GDPD4: variants seen among roughly 807,000 people sequenced by gnomAD.
The protein encoded by GDPD4 is glycerophosphodiester phosphodiesterase 6.
Under a neutral mutation model 67.8 loss-of-function variants are expected in GDPD4, and 60 were observed. The ratio of observed to expected loss-of-function variants is 0.88; its 90% CI spans 0.72 to 1.10. The LOEUF is 1.10. GDPD4 is among the 50% of genes least tolerant of loss of function. The pLI is 0.00. For missense variants in GDPD4, 623 were observed against 613.9 expected, an observed-to-expected ratio of 1.01 and a Z score of -0.16; for synonymous variants, 212 against 210.9, an observed-to-expected ratio of 1.00 and a Z score of -0.04.
intron 13 of GDPD4, among the ~76,000 whole-genome samples, chr11:77,239,990 T>A (rs1156316669): frequency 3.3e-5 from 5 of 151,398 alleles, no homozygotes; most frequent in Middle Eastern, 3.4e-3. Context: ...TGAAAGAATT[T>A]AAAAAAAACA....
chr11:77,242,059 T>C (rs1958678352), intron 13 of GDPD4, among the ~76,000 whole-genome samples: 1 of 149,122 alleles, frequency 6.7e-6, no homozygotes, highest in Admixed American at 6.8e-5. Flanking sequence ...AGAGGAAATG[T>C]TGGGTCAAAA....
chr11:77,279,330 C>T lies in GDPD4; in HGVS notation c.123G>A (p.Leu41=), dbSNP rs1453914092. The T allele has an allele frequency of 6.2e-7, 1 of 1,611,292 alleles. No homozygotes were observed. Among genetic ancestry groups the T allele is most frequent in the Admixed American group, 1.7e-5 (1 of 59,992 alleles). The change falls in exon 4 of 17, where the codon CTG becomes CTA. Residue 41 remains leucine (L), a synonymous_variant. Transcript: ENST00000315938. ...CCAACAGCAATGAAGAGTAGGCAGT[C>T]AGGATCCTAGCTAAACTCAGAATAA... ...SIFILSLARI[L]TAYSSLLLLL... is the part of the protein sequence containing the mutation.
chr11:77,270,564 C>A (rs529623292), intron 7 of GDPD4, among the ~76,000 whole-genome samples: 146 of 152,206 alleles, frequency 9.6e-4, no homozygotes, highest in Non-Finnish European at 1.7e-3. Context: ...AAAAATACAA[C>A]CAGGCGTGGT....
chr11:77,257,564 CA>C (rs1959027259), intron 11 of GDPD4, among the ~76,000 whole-genome samples: 1 of 150,454 alleles, frequency 6.6e-6, no homozygotes, highest in Non-Finnish European at 1.5e-5. Flanking sequence ...CACACACACA[CA>C]CACACACACA....
At chr11:77,245,555 T>A in intron 11 of GDPD4, 53 bp from the exon 12 acceptor site, 4 of 1,266,552 alleles carry the variant, frequency 3.2e-6, no homozygotes, top group Non-Finnish European at 4.5e-6. Flanking sequence ...GTTCTCCTAC[T>A]ATGTAGCCAC....
intron 2 of GDPD4, among the ~76,000 whole-genome samples, chr11:77,286,678 G>C (rs1960009988): frequency 6.6e-6 from 1 of 152,166 alleles, no homozygotes; most frequent in Admixed American, 6.5e-5. Context: ...GCTCACCAAA[G>C]GGTTCCAACA....
At chr11:77,281,515 T>G (rs1959751857) in intron 3 of GDPD4, among the ~76,000 whole-genome samples, 1 of 152,168 alleles carries the variant, frequency 6.6e-6, no homozygotes, top group Non-Finnish European at 1.5e-5. Flanking sequence ...TTGAAAAATC[T>G]AAATGAAAGC....
At chr11:77,270,078 A>G in intron 7 of GDPD4, 118 bp from the exon 8 acceptor site, 1 of 569,744 alleles carries the variant, frequency 1.8e-6, no homozygotes, top group Non-Finnish European at 3.1e-6. Context: ...TAAACACACA[A>G]TGGCAGCACT....
Position 77,217,037 on chromosome 11 carries a change from G to A in GDPD4, c.*240C>T, listed in dbSNP as rs767007104. 5 of 703,686 alleles carry A rather than the reference G, an allele frequency of 7.1e-6. No homozygotes were observed. Among genetic ancestry groups the A allele is most frequent in the Non-Finnish European group, 1.3e-5 (5 of 385,014 alleles). The allele number at this position is 703,686 out of a possible 1,614,324, so 43.6% of individuals were successfully genotyped here. A position where few individuals can be genotyped will look rare whatever the true frequency, so the allele number is the denominator to read the frequency against. Reference sequence around the variant, plus strand: ...AGCCTCACTTGTAGCCTGCCTGGTGGGTGCTTGGGTGAGTTCAAAGACCAC... The same window carrying A: ...AGCCTCACTTGTAGCCTGCCTGGTGAGTGCTTGGGTGAGTTCAAAGACCAC... On this transcript the variant is annotated 3_prime_UTR_variant, in exon 17 of 17. Transcript: ENST00000315938.
At chr11:77,220,060 A>G (rs1958197686) in intron 16 of GDPD4, among the ~76,000 whole-genome samples, 1 of 152,118 alleles carries the variant, frequency 6.6e-6, no homozygotes, top group Non-Finnish European at 1.5e-5. Flanking sequence ...GTGATTTTGT[A>G]TCCTGAGACT....
intron 16 of GDPD4, among the ~76,000 whole-genome samples, chr11:77,227,309 G>C (rs1039999292): frequency 3.3e-5 from 5 of 152,174 alleles, no homozygotes; most frequent in African/African-American, 1.2e-4. Flanking sequence ...CTCTGGTTTA[G>C]CAATTCCAGG....
intron 16 of GDPD4, 93 bp from the exon 17 acceptor site, chr11:77,217,407 CCA>C: frequency 2.0e-6 from 2 of 1,022,768 alleles, no homozygotes; most frequent in South Asian, 2.5e-5. Context: ...TAAATGTTAG[CCA>C]CTCCCTTACC....
At chr11:77,223,372 G>A (rs375779381) in intron 16 of GDPD4, among the ~76,000 whole-genome samples, 1 of 152,092 alleles carries the variant, frequency 6.6e-6, no homozygotes, top group Non-Finnish European at 1.5e-5. Flanking sequence ...ATGGGGTTTT[G>A]GTTATGGATG....
chr11:77,243,449 A>G (rs1958711120), intron 13 of GDPD4, among the ~76,000 whole-genome samples: 1 of 144,294 alleles, frequency 6.9e-6, no homozygotes, highest in African/African-American at 2.5e-5. Flanking sequence ...GAAAGATTAG[A>G]GTACACAGCA....
chr11:77,269,171 GGGTTT>G, intron 8 of GDPD4, 102 bp from the exon 9 acceptor site: 7 of 983,596 alleles, frequency 7.1e-6, no homozygotes, highest in Non-Finnish European at 9.1e-6. Context: ...CACAGTCCAT[GGGTTT>G]CATTGACTGT....
chr11:77,226,959 A>G (rs1958351630), intron 16 of GDPD4, among the ~76,000 whole-genome samples: 2 of 152,204 alleles, frequency 1.3e-5, no homozygotes, highest in Non-Finnish European at 1.5e-5. Flanking sequence ...TGGTACATGG[A>G]ATATCAGGAG....
rs75631090 is a variant in GDPD4, at chr11:77,265,751, T to C, written c.707+2706A>G. On this transcript the variant is annotated intron_variant, in intron 10 of 16. Transcript: ENST00000315938. The stretch of plus-strand genomic sequence containing the variant: ...ATGTGCAGACATATCACCACCACCA[T>C]AGTCAAGATACAGAAAAGTAAATAT... Among the ~76,000 whole-genome samples, 385 of 152,256 alleles carry C rather than the reference T, an allele frequency of 2.5e-3. 2 individuals are homozygous for C. Among genetic ancestry groups the C allele is most frequent in the Non-Finnish European group, 3.5e-3 (237 of 67,984 alleles).
chr11:77,268,588 C>G (rs1217141368), intron 9 of GDPD4, 49 bp from the exon 10 acceptor site: 1 of 1,397,328 alleles, frequency 7.2e-7, no homozygotes, highest in Non-Finnish European at 1.0e-6. Context: ...TCTCTCCTCC[C>G]AGCATTCCTT....
chr11:77,281,090 C>G (rs1274717097), intron 3 of GDPD4, among the ~76,000 whole-genome samples: 1 of 152,186 alleles, frequency 6.6e-6, no homozygotes, highest in East Asian at 1.9e-4. Flanking sequence ...CATAATCACA[C>G]CTCCATTTTG....
Sources: allele counts gnomAD v4.1 joint callset (sites outside exome capture counted in the v4.1 genomes callset), GRCh38; gene constraint gnomAD v4.1.1; transcripts MANE v1.5; gene names NCBI Gene and HGNC (gene_info 2026-07-23, HGNC 2026-07-21).